PAPLN: variants seen among roughly 807,000 people sequenced by gnomAD.
The protein encoded by PAPLN is papilin, proteoglycan like sulfated glycoprotein, also known as papilin.
A neutral mutation model predicts 159.0 loss-of-function variants in PAPLN; 146 were observed. That is an observed-to-expected ratio of 0.92 (90% CI 0.80 to 1.05). The LOEUF (loss-of-function observed/expected upper bound fraction) is 1.05. Ranked by LOEUF, PAPLN falls within the 50% of genes least tolerant of loss-of-function variation. The pLI is 0.00. For synonymous variants in PAPLN, 734 were observed against 702.9 expected (o/e 1.04, Z -0.70); for missense variants, 1,720 against 1,743.9 (o/e 0.99, Z 0.24).
In PAPLN at chr14:73,244,775, A is replaced by G; in HGVS notation, c.170+16A>G. ...ACTCCCAGAGGTAGGAGAGATGAAA[A>G]TGGGCCAGCTTGTTAAAGCAGGAGC... On this transcript the variant is annotated intron_variant, in intron 3 of 26. Transcript: ENST00000644200. 2 of 1,510,940 alleles carry G rather than the reference A, an allele frequency of 1.3e-6. No individual in the cohort carries two copies. Among genetic ancestry groups the G allele is most frequent in the Non-Finnish European group, 1.8e-6 (2 of 1,124,944 alleles). 93.6% of individuals were successfully genotyped at this position (1,510,940 alleles called of 1,614,324 possible).
intron 13 of PAPLN, 40 bp from the exon 14 acceptor site, chr14:73,254,837 C>T (rs372138217): frequency 2.6e-5 from 42 of 1,605,844 alleles, no homozygotes; most frequent in Middle Eastern, 1.9e-4. Context: ...CCCCCAGCCT[C>T]GCCCTCAGCA....
In PAPLN at chr14:73,262,414, G is replaced by A; in HGVS notation, c.2310G>A (p.Trp770Ter). The change falls in exon 19 of 27, where the codon TGG (tryptophan) becomes TGA (stop). Residue 770 changes from tryptophan to a stop codon, truncating the protein, a stop_gained. Transcript: ENST00000644200. LOFTEE classifies it high-confidence loss of function. Reference sequence around the variant, plus strand: ...CTTGCGCAGACTGGGCTGCCCGCTGGTACTTCGTTGCCTCTGTGGGCCAAT... The same window carrying A: ...CTTGCGCAGACTGGGCTGCCCGCTGATACTTCGTTGCCTCTGTGGGCCAAT... ...HGSCADWAAR[W>*]YFVASVGQCN... 6.2e-7 allele frequency: 1 copy of A among 1,614,026 alleles called. No individual in the cohort carries two copies. Among genetic ancestry groups the A allele is most frequent in the Non-Finnish European group, 8.5e-7 (1 of 1,179,962 alleles).
chr14:73,259,406 C>T lies in PAPLN; in HGVS notation c.1846C>T (p.Pro616Ser), dbSNP rs770397786. Residue 616 changes from proline to serine, a missense_variant, in exon 16 of 27, where the codon CCA becomes TCA. Transcript: ENST00000644200. ...CCCCGCTCCCTCTCTGCAGCAGCCC[C>T]CATACCAGCAACCCCTGCGGTCGGG... ...LGPAPSLQQP[P>S]YQQPLRSGSG... 12 of 1,613,026 alleles carry T rather than the reference C, an allele frequency of 7.4e-6. No homozygotes were observed. The South Asian group carries it at 1.3e-4, about 18-fold the overall frequency.
chr14:73,270,520 A>G (rs1337360200), intron 26 of PAPLN, among the ~76,000 whole-genome samples: 1 of 152,238 alleles, frequency 6.6e-6, no homozygotes, highest in Non-Finnish European at 1.5e-5. Flanking sequence ...TGATGGAGTT[A>G]CATTGGCGAA....
Position 73,241,120 on chromosome 14 carries a change from T to C in PAPLN, c.54+1288T>C, listed in dbSNP as rs560233194. 7.9e-5 allele frequency among the ~76,000 whole-genome samples: 12 copies of C among 152,170 alleles called. No homozygotes were observed. The East Asian group carries it at 2.3e-3, about 29-fold the overall frequency. On this transcript the variant is annotated intron_variant, in intron 2 of 26. Transcript: ENST00000644200. ...GGATGGCAGTGGGCACTTCTCCCACTAGAAGTGGATCCCATAGATGACACT... is the reference window on the plus strand; with the variant it reads ...GGATGGCAGTGGGCACTTCTCCCACCAGAAGTGGATCCCATAGATGACACT...
Position 73,268,662 on chromosome 14 carries a change from C to T in PAPLN, c.3606C>T (p.Cys1202=). The T allele has an allele frequency of 6.2e-7, 1 of 1,613,924 alleles. No individual in the cohort carries two copies. Among genetic ancestry groups the T allele is most frequent in the Non-Finnish European group, 8.5e-7 (1 of 1,179,930 alleles). ...CCAGGGATGAGGGCTCCTACACGTG[C>T]AGTGCCTACCAGGGGAGCCAGGCAG... ...LRARDEGSYT[C]SAYQGSQAVS... is the part of the protein sequence containing the mutation. The change falls in exon 26 of 27, where the codon TGC becomes TGT. Residue 1202 remains cysteine, a synonymous_variant. Transcript: ENST00000644200.
Position 73,264,669 on chromosome 14 carries a change from C to G in PAPLN, c.3068C>G (p.Ala1023Gly). ...GACCCAGCTCAGGACTTTGGCCAAG[C>G]GGGGGCTGCTGGGCCCCTGGGGGCC... ...PRDPAQDFGQ[A>G]GAAGPLGAIP... is the part of the protein sequence containing the mutation. Residue 1023 changes from alanine to glycine, a missense_variant, in exon 22 of 27, where the codon GCG (alanine) becomes GGG (glycine). Coordinates refer to ENST00000644200, the MANE Select transcript of PAPLN (RefSeq NM_001365906.3). 6.2e-7 allele frequency: 1 copy of G among 1,610,618 alleles called. No homozygotes were observed. Among genetic ancestry groups the G allele is most frequent in the Non-Finnish European group, 8.5e-7 (1 of 1,179,136 alleles).
chr14:73,247,797 CGTGTGTGTGTGTGT>C (rs869273897), intron 5 of PAPLN, among the ~76,000 whole-genome samples: 1 of 32,498 alleles, frequency 3.1e-5, no homozygotes, highest in Non-Finnish European at 5.2e-5. Context: ...TCTCTTATCC[CGTGTGTGTGTGTGT>C]GTGTGTGTGT....
chr14:73,262,638 C>T lies in PAPLN; in HGVS notation c.2534C>T (p.Ala845Val). 6.6e-7 allele frequency: 1 copy of T among 1,515,034 alleles called. No individual in the cohort carries two copies. The highest frequency in any genetic ancestry group is 2.4e-5 in the East Asian group (1 of 41,906). 93.8% of individuals were successfully genotyped at this position (1,515,034 alleles called of 1,614,324 possible). The change falls in exon 19 of 27, where the codon GCC becomes GTC. Residue 845 changes from alanine (A) to valine (V), a missense_variant. Physicochemically the swap from Ala to Val is moderately conservative, Grantham distance 64 (BLOSUM62 0). Transcript: ENST00000644200. ...GAACCCAGCCAGCACAGGACAGGGG[C>T]CGCGGTGCAGAGAAAGCCCTGGCCT... ...EQEPSQHRTG[A>V]AVQRKPWPSG... is the part of the protein sequence containing the mutation.
Position 73,245,881 on chromosome 14 carries a change from C to T in PAPLN, c.231+185C>T. On this transcript the variant is annotated intron_variant, in intron 4 of 26. Coordinates refer to ENST00000644200, the MANE Select transcript of PAPLN (RefSeq NM_001365906.3). The surrounding 1 kb of genome is among the most constrained non-coding windows in gnomAD (Gnocchi z 4.2). ...ACCCTGCTCCCGGGGACTGGCCTTG[C>T]CCTCCACAGCCTAGAGCACCATGGA... 2.2e-6 allele frequency: 2 copies of T among 895,930 alleles called. No homozygotes were observed. The highest frequency in any genetic ancestry group is 3.3e-6 in the Non-Finnish European group (2 of 600,904). The allele number at this position is 895,930 out of a possible 1,614,324, so 55.5% of individuals were successfully genotyped here. A position where few individuals can be genotyped will look rare whatever the true frequency, so the allele number is the denominator to read the frequency against.
intron 14 of PAPLN, among the ~76,000 whole-genome samples, chr14:73,257,767 T>C (rs1021084918): frequency 3.6e-5 from 5 of 137,786 alleles, no homozygotes; most frequent in African/African-American, 1.3e-4. Flanking sequence ...TTTTTTTTTT[T>C]TTTTTTTTTT....
rs1422321887 is a variant in PAPLN at position 73,274,604 on chromosome 14, TAAAG to T, written c.*1941_*1944del. On this transcript the variant is annotated 3_prime_UTR_variant, in exon 27 of 27. Transcript: ENST00000644200. ...TGGTTTTGCTATAGAAATTGGAAAA[TAAAG>T]GCCACTTTTTTGAAATCCCCAGTTT... The T allele has an allele frequency of 2.0e-5, 3 of 152,256 alleles. No individual in the cohort carries two copies. The highest frequency in any genetic ancestry group is 3.9e-4 in the East Asian group (2 of 5,180). The allele number at this position is 152,256 out of a possible 1,614,324, so 9.4% of individuals were successfully genotyped here.
chr14:73,259,574 C>A, intron 16 of PAPLN, 29 bp downstream of exon 16: 1 of 1,477,116 alleles, frequency 6.8e-7, no homozygotes. Flanking sequence ...TCTTCCTCCT[C>A]CCCCGTCAAA....
chr14:73,236,848 T>C (rs1467564665), upstream of PAPLN, among the ~76,000 whole-genome samples: 3 of 93,264 alleles, frequency 3.2e-5, no homozygotes, highest in African/African-American at 1.4e-4. Flanking sequence ...GGGAGGAAAG[T>C]AGAAAGAAAG....
rs1488912212 is a variant in PAPLN, at chr14:73,264,566, G to C, written c.2987-22G>C. ...CCCTTTTCCTCACAGCTCACACCTT[G>C]TTTCTCCTGGCCTCATGACAGGGGG... On this transcript the variant is annotated intron_variant, in intron 21 of 26. Coordinates refer to ENST00000644200, the MANE Select transcript of PAPLN (RefSeq NM_001365906.3). 1.9e-6 allele frequency: 3 copies of C among 1,587,946 alleles called. No homozygotes were observed. The South Asian group carries it at 3.4e-5, about 18-fold the overall frequency.
At position 73,246,174 on chromosome 14, in the gene PAPLN, C is replaced by T. The variant is rs779013192; in HGVS notation, c.333C>T (p.Ser111=). ...GRRYRWLPYY[S]APNKCELNCI... is the part of the protein sequence containing the mutation. ...GGTATCGGTGGCTGCCCTACTACAG[C>T]GGTGAGCGCGGCCGGGACTCGCTCT... The change falls in exon 5 of 27, where the codon AGC becomes AGT. Residue 111 remains serine, a splice_region_variant and synonymous_variant. Transcript: ENST00000644200. The T allele has an allele frequency of 1.8e-5, 28 of 1,574,238 alleles. No homozygotes were observed. The highest frequency in any genetic ancestry group is 2.4e-5 in the East Asian group (1 of 41,576).
chr14:73,258,436 G>T (rs1266079501), intron 14 of PAPLN, among the ~76,000 whole-genome samples: 1 of 151,996 alleles, frequency 6.6e-6, no homozygotes, highest in Non-Finnish European at 1.5e-5. Flanking sequence ...ATGTGGCTGG[G>T]ATCATAACAC....
chr14:73,253,229 A>G lies in PAPLN; in HGVS notation c.1094+454A>G, dbSNP rs753947618. ...GCCCAGCGAGTGTGTGGGAACAGGT[A>G]ACCTGCAGGTCACAGGCTCCCCGCA... On this transcript the variant is annotated intron_variant, in intron 11 of 26. Coordinates refer to ENST00000644200, the MANE Select transcript of PAPLN (RefSeq NM_001365906.3). The G allele has an allele frequency of 8.8e-6, 12 of 1,358,372 alleles. No individual in the cohort carries two copies. The South Asian group carries it at 1.4e-4, about 15-fold the overall frequency. 84.1% of individuals were successfully genotyped at this position (1,358,372 alleles called of 1,614,324 possible).
chr14:73,251,176 GC>G, intron 7 of PAPLN, 146 bp downstream of exon 7: 1 of 1,374,596 alleles, frequency 7.3e-7, no homozygotes, highest in African/African-American at 1.4e-5. Context: ...CATCTGAAAG[GC>G]CCCCTGTGGC....
Sources: allele counts gnomAD v4.1 joint callset (sites outside exome capture counted in the v4.1 genomes callset), GRCh38; gene constraint gnomAD v4.1.1; non-coding constraint Gnocchi (gnomAD v3.1); transcripts MANE v1.5; gene names NCBI Gene and HGNC (gene_info 2026-07-23, HGNC 2026-07-21).